LRRC27: variants seen among roughly 807,000 people sequenced by gnomAD.
The protein encoded by LRRC27 is leucine-rich repeat-containing protein 27.
LRRC27 carries 57 observed loss-of-function variants against 55.0 expected under a neutral mutation model. The observed-to-expected ratio is 1.04, with a 90% confidence interval of 0.84 to 1.29. The LOEUF (loss-of-function observed/expected upper bound fraction) is 1.29. Among genes scored for constraint, LRRC27 ranks in the 50% most tolerant of loss-of-function variants. LRRC27 has a pLI of 0.00. For synonymous variants in LRRC27, 278 were observed against 251.9 expected, an observed-to-expected ratio of 1.10 and a Z score of -0.98; for missense variants, 721 against 651.5, an observed-to-expected ratio of 1.11 and a Z score of -1.16.
chr10:132,337,127 G>A, intron 2 of LRRC27: 3 of 1,210,054 alleles, frequency 2.5e-6, no homozygotes, highest in Non-Finnish European at 3.1e-6. Flanking sequence ...TGATTGAGTT[G>A]GGCTGAGTCC....
At chr10:132,359,418 G>A (rs902721174) in intron 8 of LRRC27, among the ~76,000 whole-genome samples, 2 of 152,172 alleles carry the variant, frequency 1.3e-5, no homozygotes, top group African/African-American at 2.4e-5. Context: ...CCACGCATTG[G>A]CCCGGGGAGG....
intron 6 of LRRC27, among the ~76,000 whole-genome samples, chr10:132,349,431 A>G (rs1396641443): frequency 6.6e-6 from 1 of 152,196 alleles, no homozygotes; most frequent in Non-Finnish European, 1.5e-5. Context: ...ATTAAAGGGT[A>G]GGATGTCCTA....
intron 4 of LRRC27, among the ~76,000 whole-genome samples, chr10:132,343,240 AG>A (rs1211605876): frequency 6.6e-6 from 1 of 152,224 alleles, no homozygotes; most frequent in Non-Finnish European, 1.5e-5. Flanking sequence ...ACTTGAGCCC[AG>A]GACTTCAAGG....
At position 132,374,640 on chromosome 10, in the gene LRRC27, T is replaced by TA. The variant is rs1564861853; in HGVS notation, c.1417-425dup. Among the ~76,000 whole-genome samples the TA allele has an allele frequency of 6.6e-6, 1 of 152,204 alleles. No homozygotes were observed. Among genetic ancestry groups the TA allele is most frequent in the Admixed American group, 6.5e-5 (1 of 15,284 alleles). On this transcript the variant is annotated intron_variant, in intron 10 of 10. Coordinates refer to ENST00000368614, the MANE Select transcript of LRRC27 (RefSeq NM_030626.3). The surrounding 1 kb of genome is among the most constrained non-coding windows in gnomAD (Gnocchi z 4.4). ...GGCCCCATCTGCTTCCCAGGACAGT[T>TA]ACGGCTCTAAGGTGTGGTCTTGGCT...
At chr10:132,356,060 C>T (rs2068297706) in intron 8 of LRRC27, among the ~76,000 whole-genome samples, 174 bp downstream of exon 8, 1 of 152,150 alleles carries the variant, frequency 6.6e-6, no homozygotes, top group African/African-American at 2.4e-5. Context: ...GCTGCCTGTG[C>T]AGGCTGCTGG....
At chr10:132,364,032 T>G (rs1270001831) in intron 9 of LRRC27, among the ~76,000 whole-genome samples, 1 of 151,958 alleles carries the variant, frequency 6.6e-6, no homozygotes, top group East Asian at 1.9e-4. Context: ...ATTTGGCCTT[T>G]AAAAAGCCCA....
chr10:132,339,075 C>A (rs892114537), intron 3 of LRRC27, among the ~76,000 whole-genome samples: 4 of 152,174 alleles, frequency 2.6e-5, no homozygotes, highest in Non-Finnish European at 4.4e-5. Context: ...CGGCAGCAGC[C>A]CATGCAGGAG....
chr10:132,355,660 G>C (rs1397218218), intron 7 of LRRC27, 130 bp from the exon 8 acceptor site: 23 of 650,504 alleles, frequency 3.5e-5, no homozygotes, highest in Non-Finnish European at 4.7e-5. Context: ...CCCACCCGGA[G>C]GGCATGCACG....
chr10:132,364,246 G>A lies in LRRC27; in HGVS notation c.1290-1178G>A, dbSNP rs991214701. On this transcript the variant is annotated intron_variant, in intron 9 of 10. Coordinates refer to ENST00000368614, the MANE Select transcript of LRRC27 (RefSeq NM_030626.3). ...TGCTGCTGGGAGTAAGAGGGTCTTC[G>A]GAGAGGCTGAGTGAGACTGTGTGCC... Among the ~76,000 whole-genome samples the A allele has an allele frequency of 2.5e-4, 38 of 151,456 alleles. 1 individual carries two copies. The highest frequency in any genetic ancestry group is 4.0e-4 in the Non-Finnish European group (27 of 67,872).
intron 9 of LRRC27, among the ~76,000 whole-genome samples, chr10:132,364,480 C>CGCTTACAT (rs1564853620): frequency 6.7e-6 from 1 of 148,336 alleles, no homozygotes; most frequent in Admixed American, 6.7e-5. Context: ...CTTACACCCA[C>CGCTTACAT]CCACACTTAC....
At chr10:132,361,658 A>C in intron 9 of LRRC27, 83 bp downstream of exon 9, 1 of 1,010,190 alleles carries the variant, frequency 9.9e-7, no homozygotes. Flanking sequence ...TTTCATGAGC[A>C]TGCACTGAGG....
intron 2 of LRRC27, chr10:132,337,136 C>T (rs2067173810): frequency 8.3e-7 from 1 of 1,199,736 alleles, no homozygotes; most frequent in Non-Finnish European, 1.0e-6. Flanking sequence ...TGGGCTGAGT[C>T]CCCCAGACCA....
rs2069398723 is a variant in LRRC27 at position 132,380,595 on chromosome 10, G to A, written c.*5353G>A. Among the ~76,000 whole-genome samples, 2 of 152,148 alleles carry A rather than the reference G, an allele frequency of 1.3e-5. No individual in the cohort carries two copies. ...GATCCCTTGAGCCCAGGAGGTCGAG[G>A]CTGCAGTGAGCTGTGATTGCACCAC... On this transcript the variant is annotated 3_prime_UTR_variant, in exon 11 of 11. Coordinates refer to ENST00000368614, the MANE Select transcript of LRRC27 (RefSeq NM_030626.3).
upstream of LRRC27, chr10:132,330,550 G>A (rs1377892670): frequency 5.6e-6 from 4 of 714,712 alleles, no homozygotes; most frequent in Admixed American, 6.0e-5. Flanking sequence ...CGCTGTCACC[G>A]AAGCTGACAT....
intron 2 of LRRC27, 88 bp from the exon 3 acceptor site, chr10:132,337,470 TGTTAGTA>T: frequency 1.3e-6 from 2 of 1,535,606 alleles, no homozygotes; most frequent in Non-Finnish European, 1.8e-6. Flanking sequence ...CGGTTCTGGT[TGTTAGTA>T]GTTCTTTTGG....
upstream of LRRC27, chr10:132,330,171 T>G: frequency 2.3e-6 from 1 of 426,200 alleles, no homozygotes; most frequent in Non-Finnish European, 4.4e-6. Flanking sequence ...CTGAGCACAG[T>G]AAAGGGCAAA....
At position 132,374,041 on chromosome 10, in the gene LRRC27, G is replaced by T. The variant is rs1430181263; in HGVS notation, c.1417-1025G>T. On this transcript the variant is annotated intron_variant, in intron 10 of 10. Transcript: ENST00000368614. The surrounding 1 kb of genome is among the most constrained non-coding windows in gnomAD (Gnocchi z 4.4). ...CTGCTCTAGCCCACAGTTACGATAT[G>T]GGGGCGGGGGAGGCTGCAGGGGTCT... 6.6e-6 allele frequency among the ~76,000 whole-genome samples: 1 copy of T among 152,142 alleles called. No individual in the cohort carries two copies. The highest frequency in any genetic ancestry group is 2.4e-5 in the African/African-American group (1 of 41,404).
In LRRC27 at chr10:132,351,672, G is replaced by A. The variant is rs759856236; in HGVS notation, c.992G>A (p.Arg331Gln). The change falls in exon 7 of 11, where the codon CGA becomes CAA. Residue 331 changes from arginine to glutamine, a missense_variant. Transcript: ENST00000368614. ...TTGTCACCGTACCAAATGGCGATCCGAGCAAAAAGACTGGAAGAGAGCCGA... is the reference window on the plus strand; with the variant it reads ...TTGTCACCGTACCAAATGGCGATCCAAGCAAAAAGACTGGAAGAGAGCCGA... Reference protein sequence around the residue: ...DLLSPYQMAIRAKRLEESRAA... With the variant: ...DLLSPYQMAIQAKRLEESRAA... 2.0e-5 allele frequency: 33 copies of A among 1,614,014 alleles called. No individual in the cohort carries two copies. The highest frequency in any genetic ancestry group is 1.7e-4 in the Middle Eastern group (1 of 6,060).
In LRRC27 at chr10:132,368,856, A is replaced by G. The variant is rs556427164; in HGVS notation, c.1416+3306A>G. ...CTATGTAAGACACTGCCAAAAGGAT[A>G]AGACAGGCCACAGACTGGGAGACAA... On this transcript the variant is annotated intron_variant, in intron 10 of 10. Transcript: ENST00000368614. Among the ~76,000 whole-genome samples the G allele has an allele frequency of 7.9e-5, 12 of 152,332 alleles. No individual in the cohort carries two copies. In the South Asian group the frequency reaches 2.1e-3, roughly 26 times the overall value.
Sources: gnomAD v4.1 joint callset for allele counts (sites outside exome capture counted in the v4.1 genomes callset) on GRCh38, gnomAD v4.1.1 for gene constraint, Gnocchi (gnomAD v3.1) non-coding constraint, MANE v1.5 for transcripts, NCBI Gene and HGNC (gene_info 2026-07-23, HGNC 2026-07-21) for gene names.